The following CDK12 variants were observed in gnomAD, a reference collection of about 807,000 sequenced individuals.
CDK12 encodes cyclin dependent kinase 12, also known as cyclin-dependent kinase 12.
CDK12 carries 17 observed loss-of-function variants against 133.8 expected under a neutral mutation model. The ratio of observed to expected loss-of-function variants is 0.13; its 90% CI spans 0.09 to 0.19. The LOEUF (loss-of-function observed/expected upper bound fraction) is 0.19, where lower values mean the gene tolerates loss of function less well. Among genes scored for constraint, CDK12 ranks in the 10% least tolerant of loss-of-function variants. CDK12 has a pLI of 1.00. For missense variants in CDK12, 1,508 were observed against 1,818.7 expected (o/e 0.83, Z 3.11); for synonymous variants, 694 against 683.6 (o/e 1.02, Z -0.24).
chr17:39,482,121 C>A (rs1028023659), intron 2 of CDK12, among the ~76,000 whole-genome samples: 3 of 150,604 alleles, frequency 2.0e-5, no homozygotes, highest in Non-Finnish European at 1.5e-5. Flanking sequence ...TCAACCAATT[C>A]TCCTGCCTCA....
chr17:39,557,502 T>C (rs1289034970), intron 3 of CDK12, among the ~76,000 whole-genome samples: 2 of 152,150 alleles, frequency 1.3e-5, no homozygotes, highest in Non-Finnish European at 2.9e-5. Flanking sequence ...TGACCTTTCA[T>C]GGAGGGGCAC....
intron 2 of CDK12, among the ~76,000 whole-genome samples, chr17:39,488,378 C>T (rs934945517): frequency 1.3e-5 from 2 of 152,066 alleles, no homozygotes; most frequent in South Asian, 4.1e-4. Flanking sequence ...GAAATAGTTG[C>T]TTGGACCCTT....
intron 2 of CDK12, among the ~76,000 whole-genome samples, chr17:39,477,703 G>A (rs2050326264): frequency 6.6e-6 from 1 of 151,732 alleles, no homozygotes; most frequent in African/African-American, 2.4e-5. Flanking sequence ...CTCCCGAGTA[G>A]CTGGGACTAC....
At position 39,510,600 on chromosome 17, in the gene CDK12, T is replaced by C. The variant is rs2053438850; in HGVS notation, c.2666+839T>C. Among the ~76,000 whole-genome samples, 3 of 28,216 alleles carry C rather than the reference T, an allele frequency of 1.1e-4. No individual in the cohort carries two copies. The Admixed American group carries it at 1.5e-3, about 14-fold the overall frequency. 18.5% of individuals were successfully genotyped at this position (28,216 alleles called of 152,430 possible). A position where few individuals can be genotyped will look rare whatever the true frequency, so the allele number is the denominator to read the frequency against. ...GAATGGAAGTTATTTTTTTCTCTCT[T>C]CTCTTCTCTTCTCCTCCTTTTTCTT... On this transcript the variant is annotated intron_variant, in intron 7 of 13. Coordinates refer to ENST00000447079, the MANE Select transcript of CDK12 (RefSeq NM_016507.4).
intron 3 of CDK12, among the ~76,000 whole-genome samples, chr17:39,562,902 CTT>C (rs59852699): frequency 0.09 from 8,272 of 92,414 alleles, 568 homozygotes; most frequent in African/African-American, 0.25. Flanking sequence ...TTTTTCTTTT[CTT>C]TTTTTTTTTT....
Position 39,461,999 on chromosome 17 carries a change from G to T in CDK12, c.-73G>T. On this transcript the variant is annotated 5_prime_UTR_variant, in exon 1 of 14. Transcript: ENST00000447079. Reference sequence around the variant, plus strand: ...CTTTGGTGGGCGTGGAGTTGGGGTTGGGGGGGTGGGTGGGGGTTGCTTTTT... The same window carrying T: ...CTTTGGTGGGCGTGGAGTTGGGGTTTGGGGGGTGGGTGGGGGTTGCTTTTT... The T allele has an allele frequency of 1.7e-6, 2 of 1,206,926 alleles. No individual in the cohort carries two copies. Among genetic ancestry groups the T allele is most frequent in the East Asian group, 2.6e-5 (1 of 39,066 alleles). 74.8% of individuals were successfully genotyped at this position (1,206,926 alleles called of 1,614,324 possible). A position where few individuals can be genotyped will look rare whatever the true frequency, so the allele number is the denominator to read the frequency against.
intron 7 of CDK12, among the ~76,000 whole-genome samples, chr17:39,510,172 T>G (rs1341340349): frequency 6.9e-6 from 1 of 144,480 alleles, no homozygotes; most frequent in East Asian, 2.0e-4. Flanking sequence ...TGGGCTGGAG[T>G]GCAGTGGCGT....
In CDK12 at chr17:39,461,717, G is replaced by C. The variant is rs2048973271; in HGVS notation, c.-355G>C. ...CTCGCAGGGCCCCAGAGCTGGAGTC[G>C]GCTCCACAGCCCCGGGCCGTCGGCT... On this transcript the variant is annotated 5_prime_UTR_variant, in exon 1 of 14. Transcript: ENST00000447079. 1.8e-5 allele frequency: 6 copies of C among 326,910 alleles called. 1 individual carries two copies. In the South Asian group the frequency reaches 3.0e-4, roughly 16 times the overall value. 20.3% of individuals were successfully genotyped at this position (326,910 alleles called of 1,614,324 possible).
intron 1 of CDK12, among the ~76,000 whole-genome samples, chr17:39,468,803 A>AT (rs1195050399): frequency 7.4e-5 from 11 of 149,210 alleles, no homozygotes; most frequent in Admixed American, 1.4e-4. Flanking sequence ...TAATTAATTA[A>AT]TTAATTTATT....
chr17:39,493,331 G>T (rs1352442176), intron 4 of CDK12, among the ~76,000 whole-genome samples: 3 of 150,040 alleles, frequency 2.0e-5, no homozygotes, highest in Non-Finnish European at 4.4e-5. Context: ...TTGAGACGGG[G>T]TCTTGCGCTG....
At chr17:39,464,803 T>C (rs1381675650) in intron 1 of CDK12, among the ~76,000 whole-genome samples, 1 of 151,372 alleles carries the variant, frequency 6.6e-6, no homozygotes, top group South Asian at 2.1e-4. Flanking sequence ...AAAAAAAAAA[T>C]TAGCTGGTCG....
At chr17:39,520,145 G>A (rs1307772468) in intron 11 of CDK12, 58 bp downstream of exon 11, 2 of 1,590,882 alleles carry the variant, frequency 1.3e-6, no homozygotes, top group Non-Finnish European at 1.7e-6. Flanking sequence ...TAGACGATGA[G>A]AAACTCATAA....
intron 1 of CDK12, among the ~76,000 whole-genome samples, chr17:39,466,538 CAGG>C (rs1212397617): frequency 7.5e-6 from 1 of 133,480 alleles, no homozygotes; most frequent in Non-Finnish European, 1.6e-5. Context: ...TGCTTGAACC[CAGG>C]AGGAGGAGGT....
rs767025252 is a variant in CDK12 at position 39,462,949 on chromosome 17, G to A, written c.878G>A (p.Ser293Asn). 10 of 1,614,198 alleles carry A rather than the reference G, an allele frequency of 6.2e-6. No homozygotes were observed. Among genetic ancestry groups the A allele is most frequent in the Non-Finnish European group, 8.5e-6 (10 of 1,180,038 alleles). ...TACCAGTCCAGCACCCGGTCACCGA[G>A]CCCCTACAGTAGGCGACAGAGATCT... ...SAYQSSTRSP[S>N]PYSRRQRSVS... is the part of the protein sequence containing the mutation. The change falls in exon 1 of 14, where the codon AGC becomes AAC. Residue 293 changes from serine (S) to asparagine (N), a missense_variant. Ser to Asn is a conservative substitution (Grantham distance 46, BLOSUM62 1). Around this residue, in one of 9 missense-constraint regions of CDK12, gnomAD observed 460 missense variants for 490.8 expected, o/e 0.94. Transcript: ENST00000447079.
At chr17:39,515,956 T>C in intron 9 of CDK12, 148 bp downstream of exon 9, 2 of 542,332 alleles carry the variant, frequency 3.7e-6, no homozygotes, top group South Asian at 3.2e-5. Flanking sequence ...ACCATATATT[T>C]TGTCATAGGC....
Position 39,515,079 on chromosome 17 carries a change from G to A in CDK12, c.2769-652G>A, listed in dbSNP as rs140610627. Among the ~76,000 whole-genome samples the A allele has an allele frequency of 2.7e-3, 412 of 152,226 alleles. 1 individual carries two copies. The highest frequency in any genetic ancestry group is 9.2e-3 in the African/African-American group (384 of 41,536). On this transcript the variant is annotated intron_variant, in intron 8 of 13. Transcript: ENST00000447079. The stretch of plus-strand genomic sequence containing the variant: ...TACAAAAAAATTAGCCGGGTGTGGT[G>A]GTGCATGCCTGTAGTCCCAGCTACT...
At chr17:39,503,377 G>T (rs114662814) in intron 6 of CDK12, among the ~76,000 whole-genome samples, 3 of 152,120 alleles carry the variant, frequency 2.0e-5, no homozygotes, top group Non-Finnish European at 2.9e-5. Flanking sequence ...CCGGCCAAAA[G>T]AGTATTTCTT....
upstream of CDK12, among the ~76,000 whole-genome samples, chr17:39,547,378 C>T (rs533497283): frequency 6.6e-6 from 1 of 152,236 alleles, no homozygotes; most frequent in East Asian, 1.9e-4. Flanking sequence ...TCAGGTGATC[C>T]GCCTGCCTTG....
rs978480359 is a variant in CDK12, at chr17:39,530,753, C to T, written c.3910C>T (p.Leu1304Phe). The T allele has an allele frequency of 1.9e-6, 3 of 1,613,946 alleles. No homozygotes were observed. The highest frequency in any genetic ancestry group is 1.3e-5 in the African/African-American group (1 of 74,884). Residue 1304 changes from leucine (L) to phenylalanine (F), a missense_variant, in exon 14 of 14, where the codon CTT becomes TTT. Physicochemically the swap from Leu to Phe is conservative, Grantham distance 22. Coordinates refer to ENST00000447079, the MANE Select transcript of CDK12 (RefSeq NM_016507.4). ...NPAVTAALLQ[L>F]LSQPEAEPPG... ...AGCCGTGACAGCCGCCTTGCTGCAA[C>T]TTTTATCCCAGCCTGAAGCAGAGCC...
Sources: allele counts gnomAD v4.1 joint callset (sites outside exome capture counted in the v4.1 genomes callset), GRCh38; gene constraint gnomAD v4.1.1; regional missense constraint gnomAD v4.1.1; transcripts MANE v1.5; gene names NCBI Gene and HGNC (gene_info 2026-07-23, HGNC 2026-07-21).